SH3BGRL2: variants seen among roughly 807,000 people sequenced by gnomAD.
SH3BGRL2 encodes SH3 domain binding glutamate rich protein like 2, also known as SH3 domain-binding glutamic acid-rich-like protein 2.
In SH3BGRL2, 21 loss-of-function variants were observed where a neutral mutation model predicts 14.8. The observed-to-expected ratio is 1.42, with a 90% CI of 1.01 to 2.05. The LOEUF (loss-of-function observed/expected upper bound fraction) is 2.05, where lower values mean the gene tolerates loss of function less well. SH3BGRL2 is among the 30% of genes most tolerant of loss of function. SH3BGRL2 has a pLI of 0.00. For missense variants in SH3BGRL2, 147 were observed against 130.8 expected, an observed-to-expected ratio of 1.12 and a Z score of -0.61; for synonymous variants, 50 against 47.8, an observed-to-expected ratio of 1.05 and a Z score of -0.19.
chr6:79,612,339 G>A, the SH3BGRL2 span, among the ~76,000 whole-genome samples: 15 of 152,036 alleles, frequency 9.9e-5, no homozygotes, highest in African/African-American at 3.6e-4. Context: ...CACCATCCAT[G>A]GGAGAGAACA....
At chr6:79,605,482 A>G in the SH3BGRL2 span, among the ~76,000 whole-genome samples, 1 of 152,272 alleles carries the variant, frequency 6.6e-6, no homozygotes, top group Non-Finnish European at 1.5e-5. Flanking sequence ...GACAAAGATT[A>G]AGAAGATCAT....
chr6:79,540,706 T>A, the SH3BGRL2 span, among the ~76,000 whole-genome samples: 1 of 152,150 alleles, frequency 6.6e-6, no homozygotes. Flanking sequence ...ATAATGCTGG[T>A]CATCGATAGA....
At chr6:79,540,578 A>C in the SH3BGRL2 span, among the ~76,000 whole-genome samples, 2 of 152,172 alleles carry the variant, frequency 1.3e-5, no homozygotes, top group African/African-American at 4.8e-5. Context: ...GTAGCCTTTG[A>C]TTATTGCTCT....
At chr6:79,659,895 G>C (rs1054877809) in intron 1 of SH3BGRL2, among the ~76,000 whole-genome samples, 5 of 139,490 alleles carry the variant, frequency 3.6e-5, no homozygotes, top group African/African-American at 1.3e-4. Context: ...TATTCTCTTT[G>C]TAGGAATTGT....
At chr6:79,668,739 C>A (rs1769712792) in intron 1 of SH3BGRL2, among the ~76,000 whole-genome samples, 1 of 152,132 alleles carries the variant, frequency 6.6e-6, no homozygotes, top group Admixed American at 6.5e-5. Context: ...CAAAACACTT[C>A]TTGTTTTGTT....
intron 2 of SH3BGRL2, 37 bp downstream of exon 2, chr6:79,673,836 A>G (rs1345271779): frequency 6.3e-7 from 1 of 1,594,308 alleles, no homozygotes; most frequent in Admixed American, 1.7e-5. Flanking sequence ...GTTTCTTTTT[A>G]TTGTTCAGAA....
chr6:79,546,826 C>G, the SH3BGRL2 span, among the ~76,000 whole-genome samples: 1 of 151,624 alleles, frequency 6.6e-6, no homozygotes, highest in Middle Eastern at 3.2e-3. Flanking sequence ...ATTACAGATG[C>G]GCGCCACCAT....
At chr6:79,645,712 G>T (rs77044050) in intron 1 of SH3BGRL2, among the ~76,000 whole-genome samples, 3,391 of 152,270 alleles carry the variant, frequency 0.022, 56 homozygotes, top group Middle Eastern at 0.075. Context: ...GTGTGTTAAA[G>T]GAAGGAAATA....
the SH3BGRL2 span, among the ~76,000 whole-genome samples, chr6:79,615,487 T>C: frequency 4.6e-5 from 7 of 152,104 alleles, no homozygotes; most frequent in Admixed American, 1.3e-4. Flanking sequence ...GCAAATGTGG[T>C]TCTACACCTT....
the SH3BGRL2 span, among the ~76,000 whole-genome samples, chr6:79,608,389 A>T: frequency 6.6e-6 from 1 of 152,208 alleles, no homozygotes; most frequent in South Asian, 2.1e-4. Flanking sequence ...CCTCCAGTAC[A>T]ACTTGCTCCT....
the SH3BGRL2 span, among the ~76,000 whole-genome samples, chr6:79,582,475 A>G: frequency 1.3e-5 from 2 of 152,168 alleles, no homozygotes; most frequent in Non-Finnish European, 2.9e-5. Context: ...CCTCGGAAAT[A>G]ACACCACACA....
intron 1 of SH3BGRL2, among the ~76,000 whole-genome samples, chr6:79,645,844 A>T (rs968607212): frequency 6.6e-6 from 1 of 152,206 alleles, no homozygotes; most frequent in African/African-American, 2.4e-5. Flanking sequence ...GGGGTTAAAA[A>T]GTACCTGTCT....
intron 1 of SH3BGRL2, among the ~76,000 whole-genome samples, chr6:79,658,126 A>G (rs1769461697): frequency 6.6e-6 from 1 of 152,166 alleles, no homozygotes; most frequent in African/African-American, 2.4e-5. Context: ...TAAGGAACTA[A>G]ATGAAGTGAT....
At position 79,666,470 on chromosome 6, in the gene SH3BGRL2, G is replaced by T. The variant is rs554615214; in HGVS notation, c.46-7144G>T. On this transcript the variant is annotated intron_variant, in intron 1 of 3. Transcript: ENST00000369838. The stretch of plus-strand genomic sequence containing the variant: ...TCTGCCACAGTACTTTCTGCCATTT[G>T]CATCCTCTTTTTTGACAGCATAATC... 9.2e-5 allele frequency among the ~76,000 whole-genome samples: 14 copies of T among 152,294 alleles called. No homozygotes were observed. In the South Asian group the frequency reaches 2.7e-3, roughly 29 times the overall value.
chr6:79,544,622 T>TA, the SH3BGRL2 span, among the ~76,000 whole-genome samples: 2 of 152,198 alleles, frequency 1.3e-5, no homozygotes, highest in African/African-American at 4.8e-5. Flanking sequence ...CTTTATGTTC[T>TA]ACCCAGCAAC....
At chr6:79,633,891 C>T (rs1403892842) in intron 1 of SH3BGRL2, among the ~76,000 whole-genome samples, 5 of 152,142 alleles carry the variant, frequency 3.3e-5, no homozygotes, top group Admixed American at 2.0e-4. Flanking sequence ...GCTAATGGGG[C>T]CAGTAGCATT....
At chr6:79,585,333 C>G in the SH3BGRL2 span, among the ~76,000 whole-genome samples, 1 of 151,902 alleles carries the variant, frequency 6.6e-6, no homozygotes, top group Non-Finnish European at 1.5e-5. Flanking sequence ...AAAAAAAAAT[C>G]TTTATGTCTT....
chr6:79,565,749 C>T, the SH3BGRL2 span, among the ~76,000 whole-genome samples: 1 of 152,140 alleles, frequency 6.6e-6, no homozygotes, highest in Non-Finnish European at 1.5e-5. Flanking sequence ...GGTATAGTCA[C>T]CAATTGAGGG....
At chr6:79,680,229 T>G (rs1769962757) in intron 2 of SH3BGRL2, among the ~76,000 whole-genome samples, 3 of 152,312 alleles carry the variant, frequency 2.0e-5, no homozygotes, top group Admixed American at 2.0e-4. Flanking sequence ...CTTGGGTTTG[T>G]GTCTTCAATC....
Sources: allele counts gnomAD v4.1 joint callset (sites outside exome capture counted in the v4.1 genomes callset), GRCh38; gene constraint gnomAD v4.1.1; transcripts MANE v1.5; gene names NCBI Gene and HGNC (gene_info 2026-07-23, HGNC 2026-07-21).